PAFAH1B1: variants seen among roughly 807,000 people sequenced by gnomAD.
PAFAH1B1 encodes the protein platelet activating factor acetylhydrolase 1b regulatory subunit 1, also known as platelet-activating factor acetylhydrolase IB subunit beta.
In PAFAH1B1, 2 loss-of-function variants were observed where a neutral mutation model predicts 57.5. That is an observed-to-expected ratio of 0.03 (90% CI 0.01 to 0.11). The LOEUF is 0.11. Among genes scored for constraint, PAFAH1B1 ranks in the 10% least tolerant of loss-of-function variants. The pLI, the probability that PAFAH1B1 is intolerant of heterozygous loss-of-function variation, is 1.00. For synonymous variants in PAFAH1B1, 152 were observed against 169.6 expected (o/e 0.90, Z 0.81); for missense variants, 257 against 512.0 (o/e 0.50, Z 4.81).
chr17:2,677,605 C>T lies in PAFAH1B1; in HGVS notation c.1002+999C>T, dbSNP rs556547135. On this transcript the variant is annotated intron_variant, in intron 9 of 10. Coordinates refer to ENST00000397195, the MANE Select transcript of PAFAH1B1 (RefSeq NM_000430.4). ...CACGGTGGCTCACGCCTGTAATCCC[C>T]GCACTTTGGGAGGCCGAGGCGAGCA... Among the ~76,000 whole-genome samples, 15 of 151,588 alleles carry T rather than the reference C, an allele frequency of 9.9e-5. No homozygotes were observed. The East Asian group carries it at 2.5e-3, about 26-fold the overall frequency.
At chr17:2,613,499 TA>T (rs2068292698) in intron 1 of PAFAH1B1, 3 of 248,320 alleles carry the variant, frequency 1.2e-5, no homozygotes, top group Non-Finnish European at 2.4e-5. Flanking sequence ...GCTGGCCATG[TA>T]GAAGATGTGG....
At chr17:2,658,833 A>G (rs1007676466) in intron 2 of PAFAH1B1, among the ~76,000 whole-genome samples, 4 of 152,206 alleles carry the variant, frequency 2.6e-5, no homozygotes, top group Non-Finnish European at 4.4e-5. Flanking sequence ...GGTAATGGCA[A>G]TCAATTTGTC....
chr17:2,621,360 A>G (rs2068418688), intron 1 of PAFAH1B1, among the ~76,000 whole-genome samples: 1 of 152,170 alleles, frequency 6.6e-6, no homozygotes, highest in South Asian at 2.1e-4. Flanking sequence ...TTTGTTAAGG[A>G]TAATGGCCTC....
intron 2 of PAFAH1B1, chr17:2,641,954 T>C (rs2068700999): frequency 6.6e-6 from 1 of 152,180 alleles, no homozygotes; most frequent in East Asian, 1.9e-4. Context: ...TTGTATAGTT[T>C]TGGTTGTTAG....
At chr17:2,627,332 A>C (rs544377271) in intron 1 of PAFAH1B1, among the ~76,000 whole-genome samples, 10 of 152,166 alleles carry the variant, frequency 6.6e-5, no homozygotes, top group South Asian at 6.2e-4. Flanking sequence ...TCTCAGCACT[A>C]TTTATTGAAA....
intron 1 of PAFAH1B1, among the ~76,000 whole-genome samples, chr17:2,636,510 T>A (rs2068626369): frequency 6.6e-6 from 1 of 152,090 alleles, no homozygotes; most frequent in African/African-American, 2.4e-5. Context: ...TGGAGTACAG[T>A]AGCATGTTGG....
At chr17:2,662,171 C>T (rs1009379420) in intron 2 of PAFAH1B1, among the ~76,000 whole-genome samples, 10 of 151,780 alleles carry the variant, frequency 6.6e-5, no homozygotes, top group African/African-American at 2.4e-4. Context: ...AGCTAAAGTG[C>T]TTAAAATCGA....
At chr17:2,619,224 C>T (rs2068387730) in intron 1 of PAFAH1B1, among the ~76,000 whole-genome samples, 1 of 152,084 alleles carries the variant, frequency 6.6e-6, no homozygotes, top group Admixed American at 6.6e-5. Context: ...ATCACCGCAG[C>T]TCACTGTAGA....
At chr17:2,633,720 C>G (rs1470658681) in intron 1 of PAFAH1B1, among the ~76,000 whole-genome samples, 2 of 152,088 alleles carry the variant, frequency 1.3e-5, no homozygotes, top group African/African-American at 2.4e-5. Flanking sequence ...TACAACAGAC[C>G]CATCCAACCT....
At chr17:2,603,273 C>T (rs552148888) in intron 1 of PAFAH1B1, among the ~76,000 whole-genome samples, 1 of 152,272 alleles carries the variant, frequency 6.6e-6, no homozygotes, top group South Asian at 2.1e-4. Flanking sequence ...CCTCAGCCTC[C>T]TGAGTAGCTG....
At chr17:2,679,858 A>C (rs1006846191) in intron 9 of PAFAH1B1, 5 of 362,950 alleles carry the variant, frequency 1.4e-5, no homozygotes, top group Non-Finnish European at 2.6e-5. Flanking sequence ...TAACCAAAAT[A>C]AAATTATTCA....
intron 1 of PAFAH1B1, among the ~76,000 whole-genome samples, chr17:2,617,936 G>T (rs948805618): frequency 1.3e-5 from 2 of 149,768 alleles, no homozygotes; most frequent in African/African-American, 2.5e-5. Context: ...ATCAAAAAAC[G>T]TCTCGGTATT....
rs1045185031 is a variant in PAFAH1B1, at chr17:2,685,475, G to A, written c.*3673G>A. 1 of 152,576 alleles carries A rather than the reference G, an allele frequency of 6.6e-6. No individual in the cohort carries two copies. Among genetic ancestry groups the A allele is most frequent in the Admixed American group, 6.5e-5 (1 of 15,280 alleles). 9.5% of individuals were successfully genotyped at this position (152,576 alleles called of 1,614,324 possible). On this transcript the variant is annotated 3_prime_UTR_variant, in exon 11 of 11. Coordinates refer to ENST00000397195, the MANE Select transcript of PAFAH1B1 (RefSeq NM_000430.4). ...ACACAATTTTAAAAAATCAGTAAAG[G>A]AATGTATATAATATTGCTCTCGTGT...
chr17:2,681,682 C>A, intron 10 of PAFAH1B1, 47 bp from the exon 11 acceptor site: 2 of 1,460,292 alleles, frequency 1.4e-6, no homozygotes, highest in South Asian at 1.2e-5. Context: ...TGTTTGTTGT[C>A]CAGGCTTACG....
At chr17:2,632,946 G>C (rs144861137) in intron 1 of PAFAH1B1, among the ~76,000 whole-genome samples, 99 of 152,184 alleles carry the variant, frequency 6.5e-4, no homozygotes, top group African/African-American at 2.2e-3. Flanking sequence ...CCAGAGGCTT[G>C]ATTCATGTTT....
rs147692085 is a variant in PAFAH1B1, at chr17:2,666,002, T to C, written c.118-14T>C. The C allele has an allele frequency of 1.1e-3, 1,608 of 1,476,616 alleles. 4 individuals carry two copies. In the African/African-American group the frequency reaches 0.013, roughly 12 times the overall value. The allele number at this position is 1,476,616 out of a possible 1,614,324, so 91.5% of individuals were successfully genotyped here. A position where few individuals can be genotyped will look rare whatever the true frequency, so the allele number is the denominator to read the frequency against. On this transcript the variant is annotated splice_polypyrimidine_tract_variant and intron_variant, in intron 3 of 10. Transcript: ENST00000397195. The stretch of plus-strand genomic sequence containing the variant: ...TAAGCCATTTTTTAAAAATTCTAAA[T>C]TTATTTTCTCTAGAATGAAGAATTA...
At chr17:2,622,119 T>G (rs2068432710) in intron 1 of PAFAH1B1, among the ~76,000 whole-genome samples, 1 of 152,192 alleles carries the variant, frequency 6.6e-6, no homozygotes, top group African/African-American at 2.4e-5. Context: ...GTGGGAATTC[T>G]GAGAGCTACA....
chr17:2,646,852 G>A lies in PAFAH1B1; in HGVS notation c.32+8532G>A, dbSNP rs1327776049. Among the ~76,000 whole-genome samples, 3 of 152,126 alleles carry A rather than the reference G, an allele frequency of 2.0e-5. No individual in the cohort carries two copies. In the East Asian group the frequency reaches 5.8e-4, roughly 29 times the overall value. On this transcript the variant is annotated intron_variant, in intron 2 of 10. Transcript: ENST00000397195. ...TTTTTTCAAATCTTAAGGACCATTT[G>A]CTTCCCAGATTACATTGCTTTTTCC... is the stretch of plus-strand genomic sequence containing the variant.
chr17:2,685,585 A>G lies in PAFAH1B1; in HGVS notation c.*3783A>G, dbSNP rs2069463585. On this transcript the variant is annotated 3_prime_UTR_variant, in exon 11 of 11. Coordinates refer to ENST00000397195, the MANE Select transcript of PAFAH1B1 (RefSeq NM_000430.4). Reference sequence around the variant, plus strand: ...CATATTAAAAAATCTTATTGTACCAACTGGTAAACTATTAAATGCCTATAA... The same window carrying G: ...CATATTAAAAAATCTTATTGTACCAGCTGGTAAACTATTAAATGCCTATAA... 6.6e-6 allele frequency: 1 copy of G among 150,868 alleles called. No individual in the cohort carries two copies. 9.3% of individuals were successfully genotyped at this position (150,868 alleles called of 1,614,324 possible). A position where few individuals can be genotyped will look rare whatever the true frequency, so the allele number is the denominator to read the frequency against.
Sources: allele counts gnomAD v4.1 joint callset (sites outside exome capture counted in the v4.1 genomes callset), GRCh38; gene constraint gnomAD v4.1.1; transcripts MANE v1.5; gene names NCBI Gene and HGNC (gene_info 2026-07-23, HGNC 2026-07-21).